The following AOPEP variants were observed in gnomAD, a reference collection of about 807,000 sequenced individuals.
AOPEP encodes the protein aminopeptidase O.
A neutral mutation model predicts 98.1 loss-of-function variants in AOPEP; 77 were observed. The ratio of observed to expected loss-of-function variants is 0.78; its 90% CI spans 0.65 to 0.95. The LOEUF is 0.95. AOPEP is among the 40% of genes least tolerant of loss of function. The probability of loss-of-function intolerance (pLI) is 0.00; values close to 1 mark genes in which losing one functional copy is unlikely to be tolerated. For missense variants in AOPEP, 1,024 were observed against 1,024.7 expected (o/e 1.00, Z 0.01); for synonymous variants, 346 against 365.3 (o/e 0.95, Z 0.60).
At chr9:95,102,188 C>G in the AOPEP span, among the ~76,000 whole-genome samples, 3 of 152,206 alleles carry the variant, frequency 2.0e-5, no homozygotes, top group African/African-American at 7.2e-5. Context: ...GTGGGATGAT[C>G]CACTGTGGGG....
intron 13 of AOPEP, among the ~76,000 whole-genome samples, chr9:95,020,616 A>T (rs933682877): frequency 6.6e-6 from 1 of 151,768 alleles, no homozygotes; most frequent in Non-Finnish European, 1.5e-5. Flanking sequence ...TATTATTTAA[A>T]AAAAAAAAAA....
At position 94,834,804 on chromosome 9, in the gene AOPEP, GCATGCATGCATA is replaced by G. The variant is rs1487536122; in HGVS notation, c.1364+33806_1364+33817del. On this transcript the variant is annotated intron_variant, in intron 5 of 16. Transcript: ENST00000375315. ...CGAGACTGTCTCTAAATGCATGCAT[GCATGCATGCATA>G]CATACATACATACATACATACATAC... is the stretch of plus-strand genomic sequence containing the variant. Among the ~76,000 whole-genome samples, 11 of 141,822 alleles carry G rather than the reference GCATGCATGCATA, an allele frequency of 7.8e-5. No individual in the cohort carries two copies. In the South Asian group the frequency reaches 1.8e-3, roughly 23 times the overall value. 93.0% of individuals were successfully genotyped at this position (141,822 alleles called of 152,430 possible). A position where few individuals can be genotyped will look rare whatever the true frequency, so the allele number is the denominator to read the frequency against.
chr9:95,133,011 T>G, the AOPEP span, among the ~76,000 whole-genome samples: 1 of 152,242 alleles, frequency 6.6e-6, no homozygotes, highest in Non-Finnish European at 1.5e-5. Flanking sequence ...AGGCATCAGG[T>G]TTCCTCTGGA....
At chr9:94,741,260 ATTTTTTAT>A (rs143676683) in intron 1 of AOPEP, among the ~76,000 whole-genome samples, 33,280 of 149,648 alleles carry the variant, frequency 0.22, 5,291 homozygotes, top group African/African-American at 0.45. Context: ...TTTTTATTTT[ATTTTTTAT>A]TTTTTTATTT....
intron 13 of AOPEP, among the ~76,000 whole-genome samples, chr9:95,021,406 G>A (rs1357292058): frequency 6.6e-6 from 1 of 152,188 alleles, no homozygotes; most frequent in Non-Finnish European, 1.5e-5. Flanking sequence ...AAGGCTCTGG[G>A]AAAAGGCACC....
chr9:94,958,556 C>T (rs554896607), intron 9 of AOPEP, among the ~76,000 whole-genome samples: 2 of 152,296 alleles, frequency 1.3e-5, no homozygotes, highest in African/African-American at 4.8e-5. Context: ...ACACTTAATG[C>T]CCTCTGGATT....
At chr9:94,927,789 G>A (rs900685210) in intron 6 of AOPEP, among the ~76,000 whole-genome samples, 5 of 152,206 alleles carry the variant, frequency 3.3e-5, no homozygotes, top group Non-Finnish European at 5.9e-5. Context: ...AGAAACACCC[G>A]TGGATAGACG....
chr9:95,137,426 G>C, the AOPEP span, among the ~76,000 whole-genome samples: 3 of 151,996 alleles, frequency 2.0e-5, no homozygotes, highest in Non-Finnish European at 4.4e-5. Context: ...CTGATCTCAC[G>C]CTCACACCCT....
intron 7 of AOPEP, among the ~76,000 whole-genome samples, chr9:94,940,790 C>T (rs183800722): frequency 1.3e-5 from 2 of 152,184 alleles, no homozygotes; most frequent in East Asian, 1.9e-4. Flanking sequence ...CTGATTTCCT[C>T]AGCCTGGCTC....
chr9:94,986,238 G>A (rs1409851459), intron 11 of AOPEP, among the ~76,000 whole-genome samples: 3 of 152,114 alleles, frequency 2.0e-5, no homozygotes, highest in Non-Finnish European at 4.4e-5. Context: ...GCACATGTCT[G>A]TCCTTACCTG....
At chr9:95,104,764 A>G in the AOPEP span, among the ~76,000 whole-genome samples, 1 of 152,078 alleles carries the variant, frequency 6.6e-6, no homozygotes, top group African/African-American at 2.4e-5. Context: ...CCTGCTGCTA[A>G]GCCTTCTCCA....
At chr9:94,991,195 G>A (rs980763950) in intron 11 of AOPEP, among the ~76,000 whole-genome samples, 19 of 152,206 alleles carry the variant, frequency 1.2e-4, no homozygotes, top group Non-Finnish European at 1.9e-4. Flanking sequence ...GACCGGGAAA[G>A]CCATCAGGAG....
Position 95,007,190 on chromosome 9 carries a change from G to A in AOPEP, c.2115+1574G>A, listed in dbSNP as rs1436463789. ...GCTGGGATTACAGGCGTGAGCCACT[G>A]CACCCTGCCAGCTGTTAATTTTTAA... On this transcript the variant is annotated intron_variant, in intron 13 of 16. Transcript: ENST00000375315. Among the ~76,000 whole-genome samples the A allele has an allele frequency of 2.6e-5, 4 of 152,132 alleles. No homozygotes were observed. The East Asian group carries it at 7.7e-4, about 29-fold the overall frequency.
chr9:94,883,802 A>T (rs1478462774), intron 5 of AOPEP, among the ~76,000 whole-genome samples: 1 of 152,220 alleles, frequency 6.6e-6, no homozygotes, highest in Non-Finnish European at 1.5e-5. Flanking sequence ...TTAAAATGTT[A>T]AACATAAGTT....
At chr9:95,137,702 T>C in the AOPEP span, among the ~76,000 whole-genome samples, 38 of 152,182 alleles carry the variant, frequency 2.5e-4, no homozygotes, top group Middle Eastern at 6.8e-3. Context: ...GGGAGAGGAA[T>C]TGGCTGAAGG....
chr9:95,077,666 C>T lies in AOPEP; in HGVS notation c.2233-3028C>T, dbSNP rs968493888. ...TAGGGCTTCCCTGCTTTCTCAGCTGCGGAGGAACTTGATGCAGGAGGGCAG... is the reference window on the plus strand; with the variant it reads ...TAGGGCTTCCCTGCTTTCTCAGCTGTGGAGGAACTTGATGCAGGAGGGCAG... On this transcript the variant is annotated intron_variant, in intron 14 of 16. Coordinates refer to ENST00000375315, the MANE Select transcript of AOPEP (RefSeq NM_001193329.3). Among the ~76,000 whole-genome samples the T allele has an allele frequency of 5.3e-5, 8 of 152,250 alleles. No homozygotes were observed. In the South Asian group the frequency reaches 8.3e-4, roughly 16 times the overall value.
intron 10 of AOPEP, among the ~76,000 whole-genome samples, chr9:94,974,670 C>A (rs2138552029): frequency 6.6e-6 from 1 of 152,210 alleles, no homozygotes; most frequent in Non-Finnish European, 1.5e-5. Context: ...TCAGCAGGAG[C>A]CAGGCTGTCT....
At chr9:94,733,597 C>T (rs562494106) in intron 1 of AOPEP, among the ~76,000 whole-genome samples, 7 of 152,096 alleles carry the variant, frequency 4.6e-5, no homozygotes, top group Non-Finnish European at 5.9e-5. Flanking sequence ...AGCATATATA[C>T]CTTAGCCTTT....
intron 14 of AOPEP, among the ~76,000 whole-genome samples, chr9:95,070,022 G>T (rs1320505118): frequency 6.6e-6 from 1 of 152,246 alleles, no homozygotes. Flanking sequence ...GAGCAGAAAA[G>T]GTGAGAGAGA....
Sources: allele counts gnomAD v4.1 joint callset (sites outside exome capture counted in the v4.1 genomes callset), GRCh38; gene constraint gnomAD v4.1.1; transcripts MANE v1.5; gene names NCBI Gene and HGNC (gene_info 2026-07-23, HGNC 2026-07-21).